The following FRAS1 variants were observed in gnomAD, a reference collection of about 807,000 sequenced individuals.
FRAS1 encodes the protein extracellular matrix organizing protein FRAS1.
A neutral mutation model predicts 435.2 loss-of-function variants in FRAS1; 290 were observed. That is an observed-to-expected ratio of 0.67 (90% CI 0.61 to 0.73). The LOEUF is 0.73. Among genes scored for constraint, FRAS1 ranks in the 30% least tolerant of loss-of-function variants. The probability of loss-of-function intolerance (pLI) is 0.00; values close to 1 mark genes in which losing one functional copy is unlikely to be tolerated. For missense variants in FRAS1, 4,860 were observed against 5,001.5 expected (o/e 0.97, Z 0.85); for synonymous variants, 1,800 against 1,851.0 (o/e 0.97, Z 0.71).
At chr4:78,431,978 A>T (rs903679937) in intron 37 of FRAS1, among the ~76,000 whole-genome samples, 1 of 152,216 alleles carries the variant, frequency 6.6e-6, no homozygotes, top group African/African-American at 2.4e-5. Context: ...GTATCAAGAT[A>T]AGATTCCAAA....
chr4:78,534,759 G>C, intron 71 of FRAS1, 144 bp downstream of exon 71: 1 of 697,316 alleles, frequency 1.4e-6, no homozygotes, highest in Non-Finnish European at 2.4e-6. Context: ...AGGACAGCCA[G>C]GACTGAATCT....
intron 59 of FRAS1, among the ~76,000 whole-genome samples, chr4:78,495,415 C>T (rs901618487): frequency 1.3e-5 from 2 of 152,104 alleles, no homozygotes; most frequent in Admixed American, 6.6e-5. Context: ...TAGATTCTTC[C>T]TCTGTTCATC....
At chr4:78,385,860 G>A (rs1348238072) in intron 28 of FRAS1, among the ~76,000 whole-genome samples, 1 of 151,354 alleles carries the variant, frequency 6.6e-6, no homozygotes, top group Non-Finnish European at 1.5e-5. Flanking sequence ...ACTCCAGCCT[G>A]GGCAACAGAG....
intron 15 of FRAS1, among the ~76,000 whole-genome samples, chr4:78,315,018 C>T (rs745405870): frequency 2.6e-5 from 4 of 152,046 alleles, no homozygotes; most frequent in Admixed American, 6.5e-5. Context: ...TTTCTAACCC[C>T]GGCACAAGAC....
chr4:78,230,898 ATAG>A (rs1163126347), intron 2 of FRAS1, among the ~76,000 whole-genome samples: 1 of 152,204 alleles, frequency 6.6e-6, no homozygotes, highest in African/African-American at 2.4e-5. Flanking sequence ...CTATCTACAT[ATAG>A]TAGACTGGGG....
intron 2 of FRAS1, among the ~76,000 whole-genome samples, chr4:78,129,516 A>C (rs1719572909): frequency 7.3e-6 from 1 of 137,792 alleles, no homozygotes; most frequent in Non-Finnish European, 1.5e-5. Context: ...TGAATTAGAG[A>C]ACTAAGACTT....
At chr4:78,332,294 C>CT (rs998342446) in intron 18 of FRAS1, among the ~76,000 whole-genome samples, 109 of 152,232 alleles carry the variant, frequency 7.2e-4, no homozygotes, top group African/African-American at 2.4e-3. Flanking sequence ...GGGCCAGTCT[C>CT]TCCAAAATCT....
At chr4:78,376,820 G>A (rs1327554992) in intron 26 of FRAS1, among the ~76,000 whole-genome samples, 1 of 151,868 alleles carries the variant, frequency 6.6e-6, no homozygotes, top group East Asian at 1.9e-4. Context: ...GCAAAACCCC[G>A]TCTCTACTAA....
intron 29 of FRAS1, among the ~76,000 whole-genome samples, chr4:78,392,046 A>G (rs1415775141): frequency 1.3e-5 from 2 of 152,174 alleles, no homozygotes; most frequent in African/African-American, 4.8e-5. Context: ...TAATCAGAAA[A>G]TGTTTCCTTA....
chr4:78,434,175 G>A (rs937666135), intron 38 of FRAS1, among the ~76,000 whole-genome samples: 5 of 152,192 alleles, frequency 3.3e-5, no homozygotes, highest in African/African-American at 9.7e-5. Context: ...GAGTATAAAG[G>A]TTTAGGAACA....
At chr4:78,319,015 A>T in intron 18 of FRAS1, 29 bp downstream of exon 18, 1 of 1,609,922 alleles carries the variant, frequency 6.2e-7, no homozygotes, top group East Asian at 2.2e-5. Context: ...AGTGTTAGGT[A>T]GCCTCTGGGC....
intron 29 of FRAS1, among the ~76,000 whole-genome samples, chr4:78,394,114 C>G (rs1732556726): frequency 6.6e-6 from 1 of 151,726 alleles, no homozygotes; most frequent in South Asian, 2.1e-4. Context: ...GAATATTAAC[C>G]TCTTATGAGA....
In FRAS1 at chr4:78,450,138, G is replaced by A. The variant is rs369012718; in HGVS notation, c.6275-13G>A. ...GTTGGGGAATAACCTACTCTCTTCC[G>A]TTCTCTTCCAAGGGTCTGTAGCACG... is the stretch of plus-strand genomic sequence containing the variant. On this transcript the variant is annotated splice_polypyrimidine_tract_variant and intron_variant, in intron 44 of 73. Coordinates refer to ENST00000512123, the MANE Select transcript of FRAS1 (RefSeq NM_025074.7). 98 of 1,607,312 alleles carry A rather than the reference G, an allele frequency of 6.1e-5. No homozygotes were observed. Among genetic ancestry groups the A allele is most frequent in the African/African-American group, 3.2e-4 (24 of 74,788 alleles).
chr4:78,152,087 T>A (rs1720689117), intron 2 of FRAS1, among the ~76,000 whole-genome samples: 1 of 152,204 alleles, frequency 6.6e-6, no homozygotes, highest in Non-Finnish European at 1.5e-5. Context: ...AAGTCAGTAT[T>A]TGCCTGGTTC....
chr4:78,524,331 C>T (rs542788450), intron 69 of FRAS1, among the ~76,000 whole-genome samples: 2 of 152,184 alleles, frequency 1.3e-5, no homozygotes, highest in East Asian at 3.9e-4. Flanking sequence ...ATGAAGAACC[C>T]CACCAAGCAC....
chr4:78,376,213 G>C (rs1731754443), intron 26 of FRAS1, among the ~76,000 whole-genome samples: 1 of 152,084 alleles, frequency 6.6e-6, no homozygotes, highest in Non-Finnish European at 1.5e-5. Context: ...GCTTAATGAT[G>C]GGGATACATT....
intron 29 of FRAS1, among the ~76,000 whole-genome samples, chr4:78,390,905 T>C (rs1159749701): frequency 1.3e-5 from 2 of 152,242 alleles, no homozygotes; most frequent in Non-Finnish European, 2.9e-5. Context: ...ACTCCTGATA[T>C]TCAACAGAAA....
At chr4:78,308,893 C>T (rs1172155854) in intron 15 of FRAS1, among the ~76,000 whole-genome samples, 1 of 152,156 alleles carries the variant, frequency 6.6e-6, no homozygotes, top group Non-Finnish European at 1.5e-5. Context: ...TAATGGGCTC[C>T]CAATGATGCC....
intron 56 of FRAS1, among the ~76,000 whole-genome samples, chr4:78,480,829 A>G (rs556903737): frequency 1.3e-5 from 2 of 152,304 alleles, no homozygotes; most frequent in South Asian, 2.1e-4. Flanking sequence ...TTTCACATCT[A>G]TGAAGGGATT....
Sources: gnomAD v4.1 joint callset for allele counts (sites outside exome capture counted in the v4.1 genomes callset) on GRCh38, gnomAD v4.1.1 for gene constraint, MANE v1.5 for transcripts, NCBI Gene and HGNC (gene_info 2026-07-23, HGNC 2026-07-21) for gene names.